The following KLHL22 variants were observed in gnomAD, a reference collection of about 807,000 sequenced individuals.
The protein encoded by KLHL22 is kelch-like protein 22.
Under a neutral mutation model 60.7 loss-of-function variants are expected in KLHL22, and 18 were observed. The ratio of observed to expected loss-of-function variants is 0.30; its 90% CI spans 0.20 to 0.44. The LOEUF is 0.44. KLHL22 is among the 20% of genes least tolerant of loss of function. KLHL22 has a pLI of 1.00. For synonymous variants in KLHL22, 355 were observed against 354.5 expected, an observed-to-expected ratio of 1.00 and a Z score of -0.01; for missense variants, 596 against 852.3, an observed-to-expected ratio of 0.70 and a Z score of 3.74.
At chr22:20,456,259 G>A (rs2053060779) in intron 5 of KLHL22, 2 of 152,160 alleles carry the variant, frequency 1.3e-5, no homozygotes, top group South Asian at 4.1e-4. Context: ...TTCTGGTTAA[G>A]AGTGGTTTCT....
chr22:20,450,037 G>A (rs1601326897), intron 5 of KLHL22: 2 of 652,518 alleles, frequency 3.1e-6, no homozygotes, highest in East Asian at 5.3e-5. Flanking sequence ...ACAGGCTGGG[G>A]ACAGGCCCTG....
Position 20,451,120 on chromosome 22 carries a change from G to C in KLHL22, c.1306-4444C>G, listed in dbSNP as rs77754508. The C allele has an allele frequency of 4.9e-4, 737 of 1,498,478 alleles. 3 individuals carry two copies. The African/African-American group carries it at 8.5e-3, about 17-fold the overall frequency. The allele number at this position is 1,498,478 out of a possible 1,614,324, so 92.8% of individuals were successfully genotyped here. Reference sequence around the variant, plus strand: ...CCTACATGACCAGATCTACGTCATTGGTGGCTGTGATGGTCGTTCCAGCCT... The same window carrying C: ...CCTACATGACCAGATCTACGTCATTCGTGGCTGTGATGGTCGTTCCAGCCT... On this transcript the variant is annotated intron_variant, in intron 5 of 6. Coordinates refer to ENST00000328879, the MANE Select transcript of KLHL22 (RefSeq NM_032775.4).
chr22:20,491,031 A>G lies in KLHL22; in HGVS notation c.-33-1787T>C, dbSNP rs1233357515. On this transcript the variant is annotated intron_variant, in intron 1 of 6. Transcript: ENST00000328879. ...CCAATAGGCTATAAATTGGGTTCCC[A>G]AGATCCCCTTCTTGGGTTCAACTAA... 4 of 152,218 alleles carry G rather than the reference A, an allele frequency of 2.6e-5. No homozygotes were observed. In the East Asian group the frequency reaches 7.7e-4, roughly 29 times the overall value. 9.4% of individuals were successfully genotyped at this position (152,218 alleles called of 1,614,324 possible). A position where few individuals can be genotyped will look rare whatever the true frequency, so the allele number is the denominator to read the frequency against.
intron 1 of KLHL22, chr22:20,491,355 C>T (rs186903919): frequency 9.2e-5 from 14 of 152,290 alleles, no homozygotes; most frequent in Admixed American, 4.6e-4. Flanking sequence ...CTCCCCTCTC[C>T]GGAGGTTGAG....
chr22:20,472,968 C>A (rs1262348547), intron 2 of KLHL22, among the ~76,000 whole-genome samples: 1 of 152,068 alleles, frequency 6.6e-6, no homozygotes, highest in African/African-American at 2.4e-5. Context: ...TGCAAGGCAG[C>A]CAAGATGATG....
At chr22:20,472,118 G>C (rs2053336209) in intron 2 of KLHL22, among the ~76,000 whole-genome samples, 1 of 151,884 alleles carries the variant, frequency 6.6e-6, no homozygotes, top group South Asian at 2.1e-4. Flanking sequence ...ATGATGTTGT[G>C]CATCTGTAGT....
intron 4 of KLHL22, among the ~76,000 whole-genome samples, chr22:20,461,239 A>G (rs1208580318): frequency 1.3e-5 from 2 of 152,220 alleles, no homozygotes; most frequent in Non-Finnish European, 2.9e-5. Context: ...GTACAAAAAT[A>G]TTCTGGAATT....
intron 1 of KLHL22, among the ~76,000 whole-genome samples, chr22:20,494,784 CAA>C (rs777469955): frequency 6.6e-6 from 1 of 152,196 alleles, no homozygotes; most frequent in Non-Finnish European, 1.5e-5. Flanking sequence ...CACATAGCTA[CAA>C]ACTGAAGGAT....
Position 20,447,605 on chromosome 22 carries a change from C to T in KLHL22, c.1306-929G>A, listed in dbSNP as rs562149888. Among the ~76,000 whole-genome samples, 33 of 148,538 alleles carry T rather than the reference C, an allele frequency of 2.2e-4. No individual in the cohort carries two copies. In the East Asian group the frequency reaches 4.5e-3, roughly 20 times the overall value. On this transcript the variant is annotated intron_variant, in intron 5 of 6. Coordinates refer to ENST00000328879, the MANE Select transcript of KLHL22 (RefSeq NM_032775.4). ...GTCACCAGGCCGGAGTGCAGTGGCA[C>T]GATCTCGGCTCACTGCAATCTCCGC...
chr22:20,488,674 AAT>A (rs2053627597), intron 2 of KLHL22: 5 of 219,548 alleles, frequency 2.3e-5, no homozygotes, highest in Admixed American at 6.0e-5. Context: ...GGAGGGGAGG[AAT>A]GGTAAGGGAG....
chr22:20,475,124 TGAG>T lies in KLHL22; in HGVS notation c.228-3612_228-3610del, dbSNP rs1012085444. On this transcript the variant is annotated intron_variant, in intron 2 of 6. Transcript: ENST00000328879. ...TTGAAGAAATCTGCCCTTTCTTTGA[TGAG>T]GAGTTTCCCCGATCTTTTGATTTTG... 12 of 152,310 alleles carry T rather than the reference TGAG, an allele frequency of 7.9e-5. No individual in the cohort carries two copies. The East Asian group carries it at 2.1e-3, about 27-fold the overall frequency. 9.4% of individuals were successfully genotyped at this position (152,310 alleles called of 1,614,324 possible).
intron 2 of KLHL22, chr22:20,481,100 G>A (rs1485985939): frequency 6.6e-6 from 1 of 151,660 alleles, no homozygotes; most frequent in African/African-American, 2.4e-5. Context: ...CAAAGTACTG[G>A]GATTACACGC....
chr22:20,470,676 ATGGG>A (rs1333250146), intron 3 of KLHL22, among the ~76,000 whole-genome samples: 11 of 143,960 alleles, frequency 7.6e-5, no homozygotes, highest in African/African-American at 2.7e-4. Flanking sequence ...GGATGGATGG[ATGGG>A]TGGATGGATG....
Position 20,495,250 on chromosome 22 carries a change from C to A in KLHL22, c.-34+510G>T, listed in dbSNP as rs1458267608. Among the ~76,000 whole-genome samples, 1 of 152,240 alleles carries A rather than the reference C, an allele frequency of 6.6e-6. No individual in the cohort carries two copies. Among genetic ancestry groups the A allele is most frequent in the Non-Finnish European group, 1.5e-5 (1 of 68,044 alleles). ...TCGCGCTCTGGTGATTTTGCACTGA[C>A]AGCGCGATCTCCGGCTCCTCTCAGG... is the stretch of plus-strand genomic sequence containing the variant. On this transcript the variant is annotated intron_variant, in intron 1 of 6. Coordinates refer to ENST00000328879, the MANE Select transcript of KLHL22 (RefSeq NM_032775.4). This position sits in a 1 kb window ranked among gnomAD's most constrained non-coding sequence, Gnocchi z 4.6.
At chr22:20,483,438 G>A in intron 2 of KLHL22, 4 of 806,672 alleles carry the variant, frequency 5.0e-6, no homozygotes, top group South Asian at 1.3e-5. Context: ...GGTCTTGTAG[G>A]CCTTTTACTT....
chr22:20,477,543 C>A (rs2053434276), intron 2 of KLHL22, among the ~76,000 whole-genome samples: 1 of 152,026 alleles, frequency 6.6e-6, no homozygotes, highest in Non-Finnish European at 1.5e-5. Context: ...TATTTTGAGG[C>A]TGCAGTGAGC....
rs9623846 is a variant in KLHL22 at position 20,489,091 on chromosome 22, G to A, written c.121C>T (p.Leu41=). 2.7e-3 allele frequency: 4,432 copies of A among 1,614,090 alleles called. 119 individuals carry two copies. In the African/African-American group the frequency reaches 0.05, roughly 18 times the overall value. Residue 41 remains leucine, a synonymous_variant, in exon 2 of 7, where the codon CTG becomes TTG. Transcript: ENST00000328879. Reference sequence around the variant, plus strand: ...AGGATTCCGCTGTCCCGGAGAGCCAGCAGCCCTCGGAGCAGAGCCTGGGAG... The same window carrying A: ...AGGATTCCGCTGTCCCGGAGAGCCAACAGCCCTCGGAGCAGAGCCTGGGAG... ...QHSQALLRGL[L]ALRDSGILFD... is the part of the protein sequence containing the mutation.
Position 20,465,271 on chromosome 22 carries a change from C to T in KLHL22, c.699G>A (p.Ser233=), listed in dbSNP as rs371280436. The T allele has an allele frequency of 4.3e-6, 7 of 1,613,800 alleles. No homozygotes were observed. The highest frequency in any genetic ancestry group is 4.0e-5 in the African/African-American group (3 of 74,896). Residue 233 remains serine (S), a synonymous_variant, in exon 4 of 7, where the codon TCG becomes TCA. Transcript: ENST00000328879. The surrounding 1 kb of genome is among the most constrained non-coding windows in gnomAD (Gnocchi z 4.9). ...SLEQVQADQI[S]LHEPPKLLET... is the part of the protein sequence containing the mutation. ...CAAGGAGCTTTGGGGGCTCGTGCAG[C>T]GAGATCTGGTCAGCCTGCACCTGCT...
At chr22:20,477,030 GA>G (rs912304159) in intron 2 of KLHL22, among the ~76,000 whole-genome samples, 51 of 145,554 alleles carry the variant, frequency 3.5e-4, no homozygotes, top group Middle Eastern at 3.5e-3. Context: ...ACCATTTTAA[GA>G]AAAAAAAAAA....
Sources: allele counts gnomAD v4.1 joint callset (sites outside exome capture counted in the v4.1 genomes callset), GRCh38; gene constraint gnomAD v4.1.1; non-coding constraint Gnocchi (gnomAD v3.1); transcripts MANE v1.5; gene names NCBI Gene and HGNC (gene_info 2026-07-23, HGNC 2026-07-21).